Variants in MMP16 observed in about 807,000 individuals in gnomAD.
MMP16 encodes the protein matrix metallopeptidase 16, also known as matrix metalloproteinase-16.
A neutral mutation model predicts 67.8 loss-of-function variants in MMP16; 12 were observed. The observed-to-expected ratio is 0.18, with a 90% CI of 0.11 to 0.29. The LOEUF is 0.29. Among genes scored for constraint, MMP16 ranks in the 10% least tolerant of loss-of-function variants. MMP16 has a pLI of 1.00. For missense variants in MMP16, 475 were observed against 765.7 expected (o/e 0.62, Z 4.48); for synonymous variants, 249 against 255.9 (o/e 0.97, Z 0.26).
In MMP16 at chr8:88,033,719, G is replaced by C. The variant is rs919932921; in HGVS notation, c.*7742C>G. On this transcript the variant is annotated 3_prime_UTR_variant, in exon 10 of 10. Transcript: ENST00000286614. ...GCCTGAAACAAATTTTTATGGTCGA[G>C]TCTCTAAAACCCCTGAAAATAGAGG... is the stretch of plus-strand genomic sequence containing the variant. 2 of 151,912 alleles carry C rather than the reference G, an allele frequency of 1.3e-5. No individual in the cohort carries two copies. The highest frequency in any genetic ancestry group is 2.9e-5 in the Non-Finnish European group (2 of 67,932). 9.4% of individuals were successfully genotyped at this position (151,912 alleles called of 1,614,324 possible). A position where few individuals can be genotyped will look rare whatever the true frequency, so the allele number is the denominator to read the frequency against.
At chr8:88,251,466 T>C (rs1428316015) in intron 1 of MMP16, among the ~76,000 whole-genome samples, 2 of 144,378 alleles carry the variant, frequency 1.4e-5, no homozygotes, top group Admixed American at 6.9e-5. Context: ...CTGGATCCCT[T>C]CCTTACACCT....
At chr8:88,140,200 A>G (rs578038907) in intron 4 of MMP16, among the ~76,000 whole-genome samples, 41 of 152,224 alleles carry the variant, frequency 2.7e-4, no homozygotes, top group African/African-American at 8.9e-4. Flanking sequence ...CACTGGTGGA[A>G]GTCTATCTCC....
intron 2 of MMP16, among the ~76,000 whole-genome samples, chr8:88,191,664 C>G (rs558451899): frequency 6.6e-6 from 1 of 152,298 alleles, no homozygotes; most frequent in East Asian, 1.9e-4. Flanking sequence ...GTACCACACA[C>G]ACACAGACAC....
intron 8 of MMP16, among the ~76,000 whole-genome samples, chr8:88,050,793 G>A (rs971710532): frequency 1.3e-5 from 2 of 152,162 alleles, no homozygotes; most frequent in African/African-American, 4.8e-5. Flanking sequence ...TTTGGGTATA[G>A]CTTTCCTTTC....
At chr8:88,070,601 C>A (rs1456458554) in intron 7 of MMP16, among the ~76,000 whole-genome samples, 2 of 152,060 alleles carry the variant, frequency 1.3e-5, no homozygotes, top group Non-Finnish European at 1.5e-5. Flanking sequence ...CTCTATGTTA[C>A]TTTCTCCTGT....
intron 1 of MMP16, among the ~76,000 whole-genome samples, chr8:88,295,584 T>G (rs911765113): frequency 1.1e-4 from 16 of 152,154 alleles, no homozygotes; most frequent in Admixed American, 4.6e-4. Context: ...GTTAAGTATT[T>G]TGTGAGTGAT....
At chr8:88,069,743 T>C (rs1808520530) in intron 7 of MMP16, among the ~76,000 whole-genome samples, 1 of 152,186 alleles carries the variant, frequency 6.6e-6, no homozygotes, top group Non-Finnish European at 1.5e-5. Flanking sequence ...GACTATACTA[T>C]GGCTACTGCT....
At chr8:88,306,523 A>G (rs975184268) in intron 1 of MMP16, among the ~76,000 whole-genome samples, 1 of 152,166 alleles carries the variant, frequency 6.6e-6, no homozygotes, top group African/African-American at 2.4e-5. Context: ...GGATGTAAAA[A>G]TCCTCAGTAA....
intron 4 of MMP16, 69 bp downstream of exon 4, chr8:88,167,600 T>C: frequency 7.0e-7 from 1 of 1,426,022 alleles, no homozygotes; most frequent in Non-Finnish European, 9.4e-7. Flanking sequence ...GTTTGTAAAT[T>C]GTTAAATCTC....
intron 3 of MMP16, among the ~76,000 whole-genome samples, chr8:88,177,965 T>C (rs1396426517): frequency 6.6e-6 from 1 of 151,816 alleles, no homozygotes; most frequent in Non-Finnish European, 1.5e-5. Context: ...ATGGTATGTA[T>C]TTAAAGAGGA....
chr8:88,236,013 C>T (rs1047706906), intron 1 of MMP16, among the ~76,000 whole-genome samples: 2 of 152,026 alleles, frequency 1.3e-5, no homozygotes, highest in Admixed American at 6.6e-5. Context: ...ACTCACATAA[C>T]TAGATGTCTT....
At chr8:88,080,593 G>A (rs1365602156) in intron 6 of MMP16, among the ~76,000 whole-genome samples, 3 of 151,900 alleles carry the variant, frequency 2.0e-5, no homozygotes, top group Non-Finnish European at 4.4e-5. Flanking sequence ...CTGCCACCAC[G>A]CCCAGCTAAT....
At chr8:88,302,717 G>A (rs185152280) in intron 1 of MMP16, among the ~76,000 whole-genome samples, 30 of 152,312 alleles carry the variant, frequency 2.0e-4, no homozygotes, top group Non-Finnish European at 2.2e-4. Flanking sequence ...GATAATAATA[G>A]AGGGTCCAAG....
At chr8:88,209,905 T>C (rs940606115) in intron 1 of MMP16, among the ~76,000 whole-genome samples, 2 of 152,122 alleles carry the variant, frequency 1.3e-5, no homozygotes, top group Non-Finnish European at 2.9e-5. Flanking sequence ...TCAACATTCA[T>C]ATGTTGAAAT....
intron 1 of MMP16, among the ~76,000 whole-genome samples, chr8:88,284,806 C>T (rs1237265437): frequency 6.6e-6 from 1 of 151,862 alleles, no homozygotes; most frequent in African/African-American, 2.4e-5. Context: ...AAACTCTCTT[C>T]CCCCAAGGGT....
rs1808089943 is a variant in MMP16 at position 88,038,739 on chromosome 8, CTCTT to C, written c.*2718_*2721del. 6.6e-6 allele frequency: 1 copy of C among 152,560 alleles called. No individual in the cohort carries two copies. The highest frequency in any genetic ancestry group is 1.5e-5 in the Non-Finnish European group (1 of 68,008). The allele number at this position is 152,560 out of a possible 1,614,324, so 9.5% of individuals were successfully genotyped here. ...CTCCATGCTTAGCAGCAGTGACTAA[CTCTT>C]TATAATATCAGCATCATCTAGAATG... On this transcript the variant is annotated 3_prime_UTR_variant, in exon 10 of 10. Transcript: ENST00000286614. The surrounding 1 kb of genome is among the most constrained non-coding windows in gnomAD (Gnocchi z 4.1).
intron 1 of MMP16, among the ~76,000 whole-genome samples, chr8:88,210,175 C>A (rs1165874592): frequency 6.6e-6 from 1 of 152,136 alleles, no homozygotes; most frequent in African/African-American, 2.4e-5. Flanking sequence ...CAGTCTACGA[C>A]ACTTTTTTAT....
At chr8:88,243,594 A>C (rs537491842) in intron 1 of MMP16, among the ~76,000 whole-genome samples, 1 of 152,296 alleles carries the variant, frequency 6.6e-6, no homozygotes, top group South Asian at 2.1e-4. Flanking sequence ...TAGACGCTTA[A>C]AAGTCTGTTT....
chr8:88,115,183 C>G (rs952291081), intron 6 of MMP16, among the ~76,000 whole-genome samples: 3 of 152,016 alleles, frequency 2.0e-5, no homozygotes, highest in Non-Finnish European at 2.9e-5. Context: ...TGTTGAAATT[C>G]TGCCAACCCT....
Sources: allele counts gnomAD v4.1 joint callset (sites outside exome capture counted in the v4.1 genomes callset), GRCh38; gene constraint gnomAD v4.1.1; non-coding constraint Gnocchi (gnomAD v3.1); transcripts MANE v1.5; gene names NCBI Gene and HGNC (gene_info 2026-07-23, HGNC 2026-07-21).